TMEM175: variants seen among roughly 807,000 people sequenced by gnomAD.
The protein encoded by TMEM175 is endosomal/lysosomal proton channel TMEM175.
TMEM175 carries 36 observed loss-of-function variants against 36.5 expected under a neutral mutation model. The observed-to-expected ratio is 0.99, with a 90% CI of 0.76 to 1.30. The LOEUF (loss-of-function observed/expected upper bound fraction) is 1.30. TMEM175 is among the 50% of genes most tolerant of loss of function. The probability of loss-of-function intolerance (pLI) is 0.00; values close to 1 mark genes in which losing one functional copy is unlikely to be tolerated. For synonymous variants in TMEM175, 339 were observed against 313.4 expected (o/e 1.08, Z -0.86); for missense variants, 705 against 692.8 (o/e 1.02, Z -0.20).
chr4:933,739 C>T (rs1330378554), intron 1 of TMEM175, among the ~76,000 whole-genome samples: 1 of 152,200 alleles, frequency 6.6e-6, no homozygotes, highest in Non-Finnish European at 1.5e-5. Context: ...AAAATGGATT[C>T]TAAAGCTCAC....
rs1729969620 is a variant in TMEM175 at position 958,039 on chromosome 4, G to A, written c.1058G>A (p.Gly353Asp). The A allele has an allele frequency of 1.2e-6, 2 of 1,611,242 alleles. No individual in the cohort carries two copies. Among genetic ancestry groups the A allele is most frequent in the Admixed American group, 1.7e-5 (1 of 59,986 alleles). The stretch of plus-strand genomic sequence containing the variant: ...AACACGCTCTCGCTGGCCTTCGTGG[G>A]TGGCCTCCCACTAGCCTACCAGCAG... ...LLNTLSLAFV[G>D]GLPLAYQQTS... Residue 353 changes from glycine to aspartate, a missense_variant, in exon 11 of 11, where the codon GGT becomes GAT. Transcript: ENST00000264771.
At chr4:936,904 C>T (rs1401262890) in intron 1 of TMEM175, among the ~76,000 whole-genome samples, 1 of 151,956 alleles carries the variant, frequency 6.6e-6, no homozygotes, top group African/African-American at 2.4e-5. Context: ...TTGCAGTGAG[C>T]CGAGATTGAG....
chr4:954,736 C>T (rs760307453), intron 8 of TMEM175, among the ~76,000 whole-genome samples: 1 of 152,218 alleles, frequency 6.6e-6, no homozygotes, highest in Admixed American at 6.5e-5. Context: ...ACTTCCACAG[C>T]AGCTGCAGCA....
At chr4:935,095 G>A (rs763251906) in intron 1 of TMEM175, among the ~76,000 whole-genome samples, 34 of 152,216 alleles carry the variant, frequency 2.2e-4, no homozygotes, top group Admixed American at 7.9e-4. Flanking sequence ...GCATGAGAGC[G>A]TTTAAGCACT....
At chr4:941,417 CTG>C (rs1560475420) in intron 1 of TMEM175, among the ~76,000 whole-genome samples, 1 of 147,614 alleles carries the variant, frequency 6.8e-6, no homozygotes, top group East Asian at 2.0e-4. Context: ...AAAAAAAACT[CTG>C]TACTTTCTGC....
rs770239799 is a variant in TMEM175, at chr4:958,432, A to T, written c.1451A>T (p.His484Leu). ...CTGCGGGGCCTCGCCCGGCCCGAAC[A>T]CCCCCCGCCAGCCCCCACGGGCCAG... ...RVLRGLARPEHPPPAPTGQDD... is the reference protein window; with the variant it reads ...RVLRGLARPELPPPAPTGQDD... The change falls in exon 11 of 11, where the codon CAC (histidine) becomes CTC (leucine). Residue 484 changes from histidine to leucine, a missense_variant. His to Leu is a moderately conservative substitution (Grantham distance 99). Coordinates refer to ENST00000264771, the MANE Select transcript of TMEM175 (RefSeq NM_032326.4). 10 of 1,558,568 alleles carry T rather than the reference A, an allele frequency of 6.4e-6. No individual in the cohort carries two copies. Among genetic ancestry groups the T allele is most frequent in the Non-Finnish European group, 8.6e-6 (10 of 1,158,726 alleles).
intron 5 of TMEM175, 69 bp downstream of exon 5, chr4:951,327 A>G: frequency 6.4e-7 from 1 of 1,568,016 alleles, no homozygotes; most frequent in Non-Finnish European, 8.8e-7. Context: ...GGAAGAGGGG[A>G]AGGGAGCAGC....
Position 948,103 on chromosome 4 carries a change from T to C in TMEM175, c.154-13T>C. 6.2e-7 allele frequency: 1 copy of C among 1,614,086 alleles called. No individual in the cohort carries two copies. The highest frequency in any genetic ancestry group is 8.5e-7 in the Non-Finnish European group (1 of 1,180,012). ...TTGCTCTCCTGCTTCCTTCTGTCTC[T>C]TTGCCCCCTCAGATCCTGCCTGTGA... On this transcript the variant is annotated splice_polypyrimidine_tract_variant and intron_variant, in intron 2 of 10. Coordinates refer to ENST00000264771, the MANE Select transcript of TMEM175 (RefSeq NM_032326.4).
intron 1 of TMEM175, among the ~76,000 whole-genome samples, chr4:945,724 C>G (rs1350640831): frequency 6.6e-6 from 1 of 152,142 alleles, no homozygotes; most frequent in East Asian, 1.9e-4. Flanking sequence ...ACAGCACCCC[C>G]TTTGGAGTAA....
Position 947,900 on chromosome 4 carries a change from C to T in TMEM175, c.153+8C>T, listed in dbSNP as rs374371812. The T allele has an allele frequency of 2.0e-5, 32 of 1,613,816 alleles. No individual in the cohort carries two copies. The highest frequency in any genetic ancestry group is 9.3e-5 in the African/African-American group (7 of 75,052). On this transcript the variant is annotated splice_region_variant and intron_variant, in intron 2 of 10. Transcript: ENST00000264771. The stretch of plus-strand genomic sequence containing the variant: ...ATCATCGCCACCGTCATGGTCTGTA[C>T]GGGGCCCCTGCTTAGGCCTGCCCCA...
intron 10 of TMEM175, chr4:957,028 G>A (rs1389959701): frequency 1.3e-5 from 2 of 154,676 alleles, no homozygotes; most frequent in African/African-American, 4.8e-5. Context: ...GCTCCCCTTG[G>A]GAGGGACCTG....
At chr4:952,473 ACTGTGT>A (rs1560492761) in intron 7 of TMEM175, 23 bp downstream of exon 7, 14 of 1,351,106 alleles carry the variant, frequency 1.0e-5, no homozygotes, top group Admixed American at 3.8e-5. Flanking sequence ...GGGGGCCTGC[ACTGTGT>A]GTGTGTGTGT....
chr4:950,821 AGGTGTGGAT>A (rs1241056079), intron 4 of TMEM175, among the ~76,000 whole-genome samples: 37 of 130,954 alleles, frequency 2.8e-4, no homozygotes, highest in East Asian at 2.4e-3. Flanking sequence ...CAATAGGTGG[AGGTGTGGAT>A]GGTGTGGATG....
chr4:957,592 A>G (rs752520729), intron 10 of TMEM175, among the ~76,000 whole-genome samples: 2 of 152,210 alleles, frequency 1.3e-5, no homozygotes, highest in Non-Finnish European at 2.9e-5. Flanking sequence ...TCCCATTAGC[A>G]CAGAGCAGAA....
intron 1 of TMEM175, among the ~76,000 whole-genome samples, chr4:946,319 G>T (rs184160438): frequency 1.3e-5 from 2 of 152,340 alleles, no homozygotes; most frequent in Admixed American, 1.3e-4. Flanking sequence ...GCTGCAGGTG[G>T]GGCTCAGCCA....
At chr4:955,726 C>T in intron 9 of TMEM175, 29 bp from the exon 10 acceptor site, 1 of 1,605,820 alleles carries the variant, frequency 6.2e-7, no homozygotes, top group Non-Finnish European at 8.5e-7. Context: ...GGGGGTTTGG[C>T]CAGCTCCACC....
Position 958,410 on chromosome 4 carries a change from C to T in TMEM175, c.1429C>T (p.Arg477Trp), listed in dbSNP as rs368248170. ...GLALATLRVL[R>W]GLARPEHPPP... is the part of the protein sequence containing the mutation. ...GGCCCTGGCCACCCTGCGGGTCCTG[C>T]GGGGCCTCGCCCGGCCCGAACACCC... Residue 477 changes from arginine to tryptophan, a missense_variant, in exon 11 of 11, where the codon CGG becomes TGG. Arg to Trp is a moderately radical substitution (Grantham distance 101). Transcript: ENST00000264771. 6.1e-5 allele frequency: 97 copies of T among 1,599,098 alleles called. No individual in the cohort carries two copies. In the African/African-American group the frequency reaches 7.6e-4, roughly 13 times the overall value.
intron 1 of TMEM175, among the ~76,000 whole-genome samples, chr4:936,816 G>A (rs565166246): frequency 1.3e-5 from 2 of 152,260 alleles, no homozygotes; most frequent in South Asian, 4.2e-4. Flanking sequence ...AATTAGCTGC[G>A]CATGGTGGCA....
rs764374696 is a variant in TMEM175, at chr4:953,350, C to G, written c.623C>G (p.Pro208Arg). ...AAAIFSLFFV[P>R]LSYLLMVTVI... ...GCCATCTTCTCTCTCTTCTTTGTCC[C>G]CTTGGTGAGTGCTGGGACAGCCCGT... The change falls in exon 8 of 11, where the codon CCC (proline) becomes CGC (arginine). Residue 208 changes from proline (P) to arginine (R), a missense_variant. Physicochemically the swap from Pro to Arg is moderately radical, Grantham distance 103 (BLOSUM62 -2). Coordinates refer to ENST00000264771, the MANE Select transcript of TMEM175 (RefSeq NM_032326.4). 2.5e-6 allele frequency: 4 copies of G among 1,611,080 alleles called. No individual in the cohort carries two copies. In the South Asian group the frequency reaches 4.4e-5, roughly 18 times the overall value.
Sources: gnomAD v4.1 joint callset for allele counts (sites outside exome capture counted in the v4.1 genomes callset) on GRCh38, gnomAD v4.1.1 for gene constraint, MANE v1.5 for transcripts, NCBI Gene and HGNC (gene_info 2026-07-23, HGNC 2026-07-21) for gene names.